ESCO1: variants seen among roughly 807,000 people sequenced by gnomAD.
ESCO1 encodes establishment of sister chromatid cohesion N-acetyltransferase 1.
ESCO1 carries 33 observed loss-of-function variants against 83.5 expected under a neutral mutation model. The ratio of observed to expected loss-of-function variants is 0.40; its 90% CI spans 0.30 to 0.53. The LOEUF (loss-of-function observed/expected upper bound fraction) is 0.53, where lower values mean the gene tolerates loss of function less well. Ranked by LOEUF, ESCO1 falls within the 20% of genes least tolerant of loss-of-function variation. The pLI is 0.63. For missense variants in ESCO1, 855 were observed against 968.0 expected (o/e 0.88, Z 1.55); for synonymous variants, 332 against 324.3 (o/e 1.02, Z -0.25).
intron 5 of ESCO1, among the ~76,000 whole-genome samples, chr18:21,566,635 C>A (rs1321536213): frequency 6.6e-6 from 1 of 152,082 alleles, no homozygotes; most frequent in Non-Finnish European, 1.5e-5. Context: ...GCAAGGCAGG[C>A]GGATCACCTG....
chr18:21,588,043 C>G (rs1032366201), intron 1 of ESCO1, among the ~76,000 whole-genome samples: 1 of 150,824 alleles, frequency 6.6e-6, no homozygotes, highest in African/African-American at 2.4e-5. Context: ...GTGCTATGAT[C>G]CTGCCTACGA....
chr18:21,533,925 A>T (rs1379165066), intron 10 of ESCO1, among the ~76,000 whole-genome samples: 2 of 152,080 alleles, frequency 1.3e-5, no homozygotes, highest in South Asian at 2.1e-4. Flanking sequence ...TTCTTAAGAG[A>T]CAAGAGTCTG....
At chr18:21,561,015 T>A in intron 7 of ESCO1, 25 bp from the exon 8 acceptor site, 3 of 1,565,814 alleles carry the variant, frequency 1.9e-6, no homozygotes, top group Admixed American at 2.0e-5. Context: ...CACACAAAAG[T>A]TTTTTTCCTC....
chr18:21,554,604 T>C (rs531943435), intron 8 of ESCO1, among the ~76,000 whole-genome samples: 27 of 151,982 alleles, frequency 1.8e-4, no homozygotes, highest in Admixed American at 3.3e-4. Context: ...CCATCTCTAC[T>C]AAAAAAATAA....
intron 8 of ESCO1, among the ~76,000 whole-genome samples, chr18:21,543,791 G>A (rs1019545534): frequency 1.3e-5 from 2 of 152,072 alleles, no homozygotes; most frequent in African/African-American, 4.8e-5. Flanking sequence ...AGAACTTTGG[G>A]ATTAAAAGAT....
chr18:21,586,119 A>G (rs1325125868), intron 1 of ESCO1, among the ~76,000 whole-genome samples: 1 of 152,174 alleles, frequency 6.6e-6, no homozygotes, highest in African/African-American at 2.4e-5. Context: ...GCTACCAAAC[A>G]CTAGAACTTA....
At chr18:21,553,348 T>C (rs1175132116) in intron 8 of ESCO1, among the ~76,000 whole-genome samples, 1 of 151,312 alleles carries the variant, frequency 6.6e-6, no homozygotes, top group Non-Finnish European at 1.5e-5. Context: ...TGGCTCTTGC[T>C]TGTAATCCAG....
rs529358635 is a variant in ESCO1 at position 21,563,255 on chromosome 18, AAATAAAG to A, written c.1821+941_1821+947del. ...CAAATCTAAGAAAGTAACAGATGTG[AAATAAAG>A]TATCACAATTTGTTATAAAACTAGA... On this transcript the variant is annotated intron_variant, in intron 7 of 11. Transcript: ENST00000269214. Among the ~76,000 whole-genome samples, 8 of 152,320 alleles carry A rather than the reference AAATAAAG, an allele frequency of 5.3e-5. No homozygotes were observed. The East Asian group carries it at 1.5e-3, about 29-fold the overall frequency.
intron 6 of ESCO1, among the ~76,000 whole-genome samples, chr18:21,565,443 T>C (rs551211333): frequency 1.3e-5 from 2 of 152,266 alleles, no homozygotes; most frequent in Admixed American, 6.5e-5. Context: ...GCCAACCACT[T>C]TGGAGGAAAG....
intron 10 of ESCO1, among the ~76,000 whole-genome samples, chr18:21,534,422 T>C (rs1040931893): frequency 6.6e-5 from 10 of 152,318 alleles, no homozygotes; most frequent in South Asian, 6.2e-4. Flanking sequence ...TGGAAAAAGA[T>C]AGAATTCAGG....
chr18:21,594,678 T>C, intron 1 of ESCO1, among the ~76,000 whole-genome samples: 1 of 149,222 alleles, frequency 6.7e-6, no homozygotes, highest in East Asian at 2.0e-4. Context: ...AACTCCAGCC[T>C]GTGCAACTGA....
At chr18:21,578,150 G>A (rs970391752) in intron 2 of ESCO1, among the ~76,000 whole-genome samples, 1 of 151,764 alleles carries the variant, frequency 6.6e-6, no homozygotes, top group African/African-American at 2.4e-5. Context: ...AGTTAAACAA[G>A]AATCACCACA....
chr18:21,581,920 A>C (rs1403498775), intron 2 of ESCO1, among the ~76,000 whole-genome samples: 2 of 151,216 alleles, frequency 1.3e-5, no homozygotes, highest in African/African-American at 4.9e-5. Context: ...TCTATACTAA[A>C]AAAAAAAAAA....
In ESCO1 at chr18:21,536,830, G is replaced by C. The variant is rs533305776; in HGVS notation, c.2044-645C>G. On this transcript the variant is annotated intron_variant, in intron 9 of 11. Coordinates refer to ENST00000269214, the MANE Select transcript of ESCO1 (RefSeq NM_052911.3). ...GAGAACTTCACTGCAATCTTAGCCA[G>C]GCAAGCCACTCTTCTTCCCAACCCT... Among the ~76,000 whole-genome samples the C allele has an allele frequency of 6.6e-5, 10 of 152,192 alleles. No individual in the cohort carries two copies. The East Asian group carries it at 1.9e-3, about 29-fold the overall frequency.
intron 4 of ESCO1, among the ~76,000 whole-genome samples, chr18:21,571,095 T>C (rs949438845): frequency 1.3e-5 from 2 of 152,172 alleles, no homozygotes; most frequent in East Asian, 3.8e-4. Context: ...GTGGTAGACA[T>C]ATGAGAGTAA....
At chr18:21,576,945 ATCG>A (rs907340530) in intron 2 of ESCO1, among the ~76,000 whole-genome samples, 14 of 152,024 alleles carry the variant, frequency 9.2e-5, no homozygotes, top group Non-Finnish European at 1.9e-4. Context: ...AAGCAGGAGA[ATCG>A]CTTGAACTCA....
chr18:21,559,871 G>A (rs2038160667), intron 8 of ESCO1, among the ~76,000 whole-genome samples: 1 of 152,152 alleles, frequency 6.6e-6, no homozygotes, highest in Non-Finnish European at 1.5e-5. Context: ...ACCACAGGTA[G>A]AGAACCAAAA....
intron 8 of ESCO1, among the ~76,000 whole-genome samples, chr18:21,554,960 G>A (rs1191778680): frequency 1.3e-5 from 2 of 151,996 alleles, no homozygotes; most frequent in Admixed American, 6.6e-5. Context: ...GCCAGGTGTG[G>A]CGACACACGC....
chr18:21,591,710 C>G (rs1466524566), intron 1 of ESCO1, among the ~76,000 whole-genome samples: 1 of 140,438 alleles, frequency 7.1e-6, no homozygotes. Flanking sequence ...TTGGGTGTTT[C>G]TCACAGAGGG....
Sources: gnomAD v4.1 joint callset for allele counts (sites outside exome capture counted in the v4.1 genomes callset) on GRCh38, gnomAD v4.1.1 for gene constraint, MANE v1.5 for transcripts, NCBI Gene and HGNC (gene_info 2026-07-23, HGNC 2026-07-21) for gene names.